Variants in EPB41L2 observed in about 807,000 individuals in gnomAD.
The protein encoded by EPB41L2 is band 4.1-like protein 2.
EPB41L2 carries 43 observed loss-of-function variants against 113.0 expected under a neutral mutation model. The ratio of observed to expected loss-of-function variants is 0.38; its 90% CI spans 0.30 to 0.49. The LOEUF (loss-of-function observed/expected upper bound fraction) is 0.49, where lower values mean the gene tolerates loss of function less well. Ranked by LOEUF, EPB41L2 falls within the 20% of genes least tolerant of loss-of-function variation. The pLI, the probability that EPB41L2 is intolerant of heterozygous loss-of-function variation, is 0.95. For missense variants in EPB41L2, 1,147 were observed against 1,223.4 expected, an observed-to-expected ratio of 0.94 and a Z score of 0.93; for synonymous variants, 442 against 436.7, an observed-to-expected ratio of 1.01 and a Z score of -0.15.
chr6:130,933,936 TTG>T (rs1807848152), intron 3 of EPB41L2, among the ~76,000 whole-genome samples: 1 of 152,174 alleles, frequency 6.6e-6, no homozygotes, highest in South Asian at 2.1e-4. Context: ...ACTGCAGTTA[TTG>T]TGTGCTGAGG....
chr6:130,950,141 G>A (rs1814377437), intron 3 of EPB41L2, among the ~76,000 whole-genome samples: 1 of 152,120 alleles, frequency 6.6e-6, no homozygotes, highest in Non-Finnish European at 1.5e-5. Flanking sequence ...CAATCAATCA[G>A]AGGTACTTCA....
Position 130,867,584 on chromosome 6 carries a change from G to A in EPB41L2, c.2608-3C>T, listed in dbSNP as rs757535856. 4 of 1,613,764 alleles carry A rather than the reference G, an allele frequency of 2.5e-6. No individual in the cohort carries two copies. The South Asian group carries it at 4.4e-5, about 18-fold the overall frequency. ...ATCTCTGTTTTTACCACTGGTGGCT[G>A]AGGTGGAAAAGGAAGGGAAAAATAA... On this transcript the variant is annotated splice_region_variant and splice_polypyrimidine_tract_variant and intron_variant, in intron 15 of 19. Transcript: ENST00000337057.
At chr6:130,992,258 A>G (rs1197342098) in intron 1 of EPB41L2, among the ~76,000 whole-genome samples, 2 of 152,202 alleles carry the variant, frequency 1.3e-5, no homozygotes, top group Non-Finnish European at 2.9e-5. Flanking sequence ...ATGGTTCAGT[A>G]TGAAAAATTT....
At chr6:130,921,998 A>AT (rs992623400) in intron 4 of EPB41L2, among the ~76,000 whole-genome samples, 3 of 152,224 alleles carry the variant, frequency 2.0e-5, no homozygotes, top group African/African-American at 7.2e-5. Context: ...TAATGGCACT[A>AT]TTTTTTAACT....
intron 19 of EPB41L2, among the ~76,000 whole-genome samples, chr6:130,841,417 G>A (rs1032390294): frequency 6.6e-6 from 1 of 152,128 alleles, no homozygotes; most frequent in Non-Finnish European, 1.5e-5. Context: ...TTGGTTTTGA[G>A]GAAGGGTTTG....
Position 130,966,320 on chromosome 6 carries a change from G to A in EPB41L2, c.-14-9821C>T, listed in dbSNP as rs140284758. ...AACTGTAAAGAGAAAAGATGAGAAAGGCTGCCGCCCCACTTGGGATAATAA... is the reference window on the plus strand; with the variant it reads ...AACTGTAAAGAGAAAAGATGAGAAAAGCTGCCGCCCCACTTGGGATAATAA... On this transcript the variant is annotated intron_variant, in intron 1 of 19. Coordinates refer to ENST00000337057, the MANE Select transcript of EPB41L2 (RefSeq NM_001431.4). 9.9e-5 allele frequency among the ~76,000 whole-genome samples: 15 copies of A among 152,248 alleles called. No homozygotes were observed. The East Asian group carries it at 2.9e-3, about 29-fold the overall frequency.
intron 11 of EPB41L2, among the ~76,000 whole-genome samples, chr6:130,887,632 A>G (rs1298745773): frequency 1.3e-5 from 2 of 152,082 alleles, no homozygotes; most frequent in African/African-American, 4.8e-5. Context: ...CCCTCACCTT[A>G]TAGCTTCATC....
chr6:131,003,839 G>C (rs1191025927), intron 1 of EPB41L2, among the ~76,000 whole-genome samples: 1 of 152,140 alleles, frequency 6.6e-6, no homozygotes, highest in African/African-American at 2.4e-5. Flanking sequence ...AGAATAATTT[G>C]GCACCTGTGG....
intron 19 of EPB41L2, among the ~76,000 whole-genome samples, chr6:130,843,250 C>A (rs1461042574): frequency 6.6e-6 from 1 of 152,178 alleles, no homozygotes; most frequent in Non-Finnish European, 1.5e-5. Flanking sequence ...ACATAAGCAT[C>A]AGAAATACTG....
chr6:130,870,648 CA>C (rs1280366657), intron 14 of EPB41L2, among the ~76,000 whole-genome samples: 3 of 151,976 alleles, frequency 2.0e-5, no homozygotes, highest in Non-Finnish European at 2.9e-5. Flanking sequence ...AAACAGTTTA[CA>C]AAAATTGAAT....
chr6:130,982,556 T>C (rs1779616857), intron 1 of EPB41L2, among the ~76,000 whole-genome samples: 1 of 152,148 alleles, frequency 6.6e-6, no homozygotes, highest in African/African-American at 2.4e-5. Flanking sequence ...ACTTGGAACA[T>C]TATCTAAATT....
At chr6:130,976,988 T>G (rs1387313936) in intron 1 of EPB41L2, among the ~76,000 whole-genome samples, 3 of 151,974 alleles carry the variant, frequency 2.0e-5, no homozygotes, top group African/African-American at 7.3e-5. Context: ...GTAAGAGAGG[T>G]ACAAGAAGGG....
At position 130,951,312 on chromosome 6, in the gene EPB41L2, C is replaced by CTT. The variant is rs34082234; in HGVS notation, c.705+3791_705+3792dup. On this transcript the variant is annotated intron_variant, in intron 3 of 19. Transcript: ENST00000337057. The stretch of plus-strand genomic sequence containing the variant: ...AGAAAAAAGATGCTCAGCCTCAGTA[C>CTT]TTTTTTTTTTTTTTTTTTTTTTTTT... 3.4e-3 allele frequency among the ~76,000 whole-genome samples: 174 copies of CTT among 50,846 alleles called. 21 individuals are homozygous for CTT. The highest frequency in any genetic ancestry group is 7.8e-3 in the African/African-American group (59 of 7,516). The allele number at this position is 50,846 out of a possible 152,430, so 33.4% of individuals were successfully genotyped here.
intron 1 of EPB41L2, among the ~76,000 whole-genome samples, chr6:131,021,319 C>G (rs1254649077): frequency 1.3e-5 from 2 of 152,006 alleles, no homozygotes; most frequent in East Asian, 3.9e-4. Context: ...ATTTAAAAAC[C>G]CACATAAACT....
At chr6:130,873,528 C>T (rs543694990) in intron 14 of EPB41L2, among the ~76,000 whole-genome samples, 103 of 151,258 alleles carry the variant, frequency 6.8e-4, no homozygotes, top group Admixed American at 2.0e-3. Context: ...CAGTGTGCCG[C>T]GATCTCGGCT....
intron 3 of EPB41L2, among the ~76,000 whole-genome samples, chr6:130,928,018 G>A (rs1041484428): frequency 6.6e-6 from 1 of 152,100 alleles, no homozygotes; most frequent in African/African-American, 2.4e-5. Context: ...GCTTAAGCCT[G>A]GGAGGCTGAG....
At chr6:130,872,615 G>A (rs749374570) in intron 14 of EPB41L2, 78 of 1,007,258 alleles carry the variant, frequency 7.7e-5, no homozygotes, top group Non-Finnish European at 1.0e-4. Context: ...TGGAAGAAAG[G>A]AAAGGTTACA....
In EPB41L2 at chr6:131,006,880, T is replaced by A. The variant is rs553357660; in HGVS notation, c.-14-50381A>T. The stretch of plus-strand genomic sequence containing the variant: ...TCCAACAATTCTCTAACCCTGAGGA[T>A]CCTGTGCCCATACCACCTTCCCAGT... On this transcript the variant is annotated intron_variant, in intron 1 of 19. Transcript: ENST00000337057. Among the ~76,000 whole-genome samples the A allele has an allele frequency of 8.4e-4, 128 of 152,196 alleles. 1 individual carries two copies. The highest frequency in any genetic ancestry group is 2.9e-3 in the Admixed American group (44 of 15,286).
intron 1 of EPB41L2, chr6:131,013,539 T>C (rs1172787712): frequency 6.6e-6 from 1 of 152,134 alleles, no homozygotes; most frequent in African/African-American, 2.4e-5. Flanking sequence ...AATAATCAAG[T>C]AGAAAAAAGA....
Sources: gnomAD v4.1 joint callset for allele counts (sites outside exome capture counted in the v4.1 genomes callset) on GRCh38, gnomAD v4.1.1 for gene constraint, MANE v1.5 for transcripts, NCBI Gene and HGNC (gene_info 2026-07-23, HGNC 2026-07-21) for gene names.